Variants in ST13 observed in about 807,000 individuals in gnomAD.
ST13 encodes hsc70-interacting protein.
ST13 carries 23 observed loss-of-function variants against 56.7 expected under a neutral mutation model. The ratio of observed to expected loss-of-function variants is 0.41; its 90% CI spans 0.29 to 0.57. The LOEUF (loss-of-function observed/expected upper bound fraction) is 0.57. Among genes scored for constraint, ST13 ranks in the 20% least tolerant of loss-of-function variants. The probability of loss-of-function intolerance (pLI) is 0.36; values close to 1 mark genes in which losing one functional copy is unlikely to be tolerated. For synonymous variants in ST13, 132 were observed against 142.4 expected (o/e 0.93, Z 0.52); for missense variants, 369 against 459.9 (o/e 0.80, Z 1.81).
Position 40,844,927 on chromosome 22 carries a change from A to G in ST13, c.245-18T>C, listed in dbSNP as rs781159595. The G allele has an allele frequency of 6.2e-6, 10 of 1,602,802 alleles. No homozygotes were observed. The South Asian group carries it at 1.1e-4, about 18-fold the overall frequency. ...ATCAATTTCTGCCAAAGTCGAGAAA[A>G]TGACAATAAGACCTGCACCGTACAA... On this transcript the variant is annotated intron_variant, in intron 3 of 11. Transcript: ENST00000216218.
At chr22:40,856,381 C>G in intron 1 of ST13, 50 bp downstream of exon 1, 2 of 1,527,504 alleles carry the variant, frequency 1.3e-6, no homozygotes, top group African/African-American at 2.7e-5. Flanking sequence ...TGGCTCCCCC[C>G]TGGGGCCGTG....
chr22:40,827,719 T>C (rs868640967), intron 10 of ST13, among the ~76,000 whole-genome samples: 32 of 152,094 alleles, frequency 2.1e-4, no homozygotes, highest in Admixed American at 5.9e-4. Flanking sequence ...CGGGCCGCTC[T>C]TGAACTCCTG....
chr22:40,844,208 A>G (rs2057819558), intron 4 of ST13, among the ~76,000 whole-genome samples: 1 of 152,162 alleles, frequency 6.6e-6, no homozygotes, highest in Non-Finnish European at 1.5e-5. Context: ...AAAAGCCACA[A>G]AAAGATACCA....
Position 40,825,538 on chromosome 22 carries a change from T to C in ST13, c.*1000A>G, listed in dbSNP as rs1443703445. ...TTGGCCAAGTAAGAAACTACAGTTGTTGTGGGTATTACCCTACAATTACCA... is the reference window on the plus strand; with the variant it reads ...TTGGCCAAGTAAGAAACTACAGTTGCTGTGGGTATTACCCTACAATTACCA... On this transcript the variant is annotated 3_prime_UTR_variant, in exon 12 of 12. Transcript: ENST00000216218. 6.6e-6 allele frequency: 1 copy of C among 152,196 alleles called. No individual in the cohort carries two copies. Among genetic ancestry groups the C allele is most frequent in the Admixed American group, 6.5e-5 (1 of 15,272 alleles). The allele number at this position is 152,196 out of a possible 1,614,324, so 9.4% of individuals were successfully genotyped here. A position where few individuals can be genotyped will look rare whatever the true frequency, so the allele number is the denominator to read the frequency against.
rs2057745140 is a variant in ST13 at position 40,829,690 on chromosome 22, A to G, written c.799-16T>C. 4 of 1,427,274 alleles carry G rather than the reference A, an allele frequency of 2.8e-6. No individual in the cohort carries two copies. Among genetic ancestry groups the G allele is most frequent in the Non-Finnish European group, 1.9e-6 (2 of 1,054,196 alleles). The allele number at this position is 1,427,274 out of a possible 1,614,324, so 88.4% of individuals were successfully genotyped here. On this transcript the variant is annotated splice_polypyrimidine_tract_variant and intron_variant, in intron 9 of 11. Coordinates refer to ENST00000216218, the MANE Select transcript of ST13 (RefSeq NM_003932.5). ...CTTCTTCCTCCTTTGATACAAAAGG[A>G]AATAAATTATATAATAGAAGAAGAA... is the stretch of plus-strand genomic sequence containing the variant.
chr22:40,827,855 G>A (rs6002171), intron 10 of ST13, among the ~76,000 whole-genome samples: 18,833 of 151,800 alleles, frequency 0.12, 2,131 homozygotes, highest in African/African-American at 0.3. Flanking sequence ...CGCCTTAAAA[G>A]CAAAGAGTCA....
chr22:40,836,069 C>G, intron 5 of ST13, 182 bp from the exon 6 acceptor site: 1 of 528,962 alleles, frequency 1.9e-6, no homozygotes, highest in Non-Finnish European at 3.3e-6. Flanking sequence ...TATACTGTAA[C>G]TCACGAGGTA....
chr22:40,831,922 G>A (rs1051939768), intron 8 of ST13, among the ~76,000 whole-genome samples: 4 of 152,140 alleles, frequency 2.6e-5, no homozygotes, highest in Non-Finnish European at 1.5e-5. Flanking sequence ...CGTGATCTTG[G>A]CTCACTGCAA....
At chr22:40,833,147 G>A (rs950095198) in intron 7 of ST13, among the ~76,000 whole-genome samples, 2 of 152,186 alleles carry the variant, frequency 1.3e-5, no homozygotes, top group Non-Finnish European at 2.9e-5. Flanking sequence ...AACGAAAACT[G>A]AGAATTCACT....
chr22:40,846,763 C>T (rs1224058562), intron 3 of ST13, among the ~76,000 whole-genome samples: 8 of 152,140 alleles, frequency 5.3e-5, no homozygotes, highest in Non-Finnish European at 7.4e-5. Context: ...GAGGCCAAGA[C>T]GGGCAGATCA....
rs773166978 is a variant in ST13, at chr22:40,844,836, T to C, written c.315+3A>G. On this transcript the variant is annotated splice_donor_region_variant and intron_variant, in intron 4 of 11. Coordinates refer to ENST00000216218, the MANE Select transcript of ST13 (RefSeq NM_003932.5). Reference sequence around the variant, plus strand: ...AAGCAGGAAATCAAGTCACCGAACTTACCTCCGCATTTTCATCTCCCATTT... The same window carrying C: ...AAGCAGGAAATCAAGTCACCGAACTCACCTCCGCATTTTCATCTCCCATTT... The C allele has an allele frequency of 2.5e-6, 4 of 1,612,370 alleles. No individual in the cohort carries two copies. The African/African-American group carries it at 5.3e-5, about 22-fold the overall frequency.
chr22:40,840,945 C>T (rs1309484198), intron 4 of ST13, among the ~76,000 whole-genome samples: 2 of 152,122 alleles, frequency 1.3e-5, no homozygotes, highest in African/African-American at 4.8e-5. Context: ...TCCGTCCCAA[C>T]CAAAGCATAC....
chr22:40,848,489 G>A, intron 2 of ST13, 120 bp from the exon 3 acceptor site: 1 of 717,828 alleles, frequency 1.4e-6, no homozygotes, highest in South Asian at 1.6e-5. Context: ...GCTCATGCCT[G>A]GAATTCCAGC....
chr22:40,841,285 G>A (rs1022749598), intron 4 of ST13, among the ~76,000 whole-genome samples: 10 of 151,818 alleles, frequency 6.6e-5, no homozygotes, highest in South Asian at 2.1e-4. Flanking sequence ...TAGGAGGCTC[G>A]CTTGAGCTCA....
At chr22:40,854,401 TC>T (rs1453933095) in intron 1 of ST13, 2 of 152,214 alleles carry the variant, frequency 1.3e-5, no homozygotes, top group African/African-American at 4.8e-5. Context: ...ACCCCATACT[TC>T]AGCCAACTCA....
intron 4 of ST13, 110 bp downstream of exon 4, chr22:40,844,729 G>T: frequency 1.1e-6 from 1 of 878,758 alleles, no homozygotes; most frequent in Non-Finnish European, 1.8e-6. Context: ...TGAAGTCAGA[G>T]AAAGATTTAC....
intron 1 of ST13, chr22:40,854,486 A>G (rs1340115288): frequency 6.6e-6 from 1 of 152,184 alleles, no homozygotes; most frequent in Non-Finnish European, 1.5e-5. Flanking sequence ...GTATATGACT[A>G]TTTCTTGTTT....
intron 7 of ST13, chr22:40,835,331 CTTT>C (rs2057772005): frequency 5.7e-6 from 2 of 348,912 alleles, no homozygotes; most frequent in Non-Finnish European, 1.1e-5. Flanking sequence ...AATGAAAATA[CTTT>C]TTATTTCTTC....
intron 1 of ST13, among the ~76,000 whole-genome samples, 183 bp downstream of exon 1, chr22:40,856,248 C>T (rs2057894065): frequency 6.6e-6 from 1 of 152,150 alleles, no homozygotes; most frequent in Non-Finnish European, 1.5e-5. Flanking sequence ...CCTCCTGCTC[C>T]CCGCGGCTCC....
Sources: allele counts gnomAD v4.1 joint callset (sites outside exome capture counted in the v4.1 genomes callset), GRCh38; gene constraint gnomAD v4.1.1; transcripts MANE v1.5; gene names NCBI Gene and HGNC (gene_info 2026-07-23, HGNC 2026-07-21).